Variants in SH3BP5 observed in about 807,000 individuals in gnomAD.
SH3BP5 encodes the protein SH3 domain binding protein 5.
Under a neutral mutation model 43.3 loss-of-function variants are expected in SH3BP5, and 22 were observed. The observed-to-expected ratio is 0.51, with a 90% CI of 0.36 to 0.73. The LOEUF (loss-of-function observed/expected upper bound fraction) is 0.73, where lower values mean the gene tolerates loss of function less well. Ranked by LOEUF, SH3BP5 falls within the 30% of genes least tolerant of loss-of-function variation. The pLI is 0.00. For synonymous variants in SH3BP5, 255 were observed against 225.8 expected (o/e 1.13, Z -1.16); for missense variants, 529 against 586.9 (o/e 0.90, Z 1.02).
chr3:15,292,983 A>G (rs1018434448), intron 3 of SH3BP5, among the ~76,000 whole-genome samples: 1 of 152,236 alleles, frequency 6.6e-6, no homozygotes, highest in Non-Finnish European at 1.5e-5. Flanking sequence ...TGTGTGTGTC[A>G]GGAGCCTTTG....
At chr3:15,326,183 C>T (rs2125141357) in intron 2 of SH3BP5, among the ~76,000 whole-genome samples, 1 of 152,218 alleles carries the variant, frequency 6.6e-6, no homozygotes, top group South Asian at 2.1e-4. Context: ...GCAAAGGGGA[C>T]CCAGCACTGT....
At chr3:15,326,608 C>T (rs1036295114) in intron 2 of SH3BP5, among the ~76,000 whole-genome samples, 1 of 152,290 alleles carries the variant, frequency 6.6e-6, no homozygotes, top group Non-Finnish European at 1.5e-5. Flanking sequence ...TTATATGTAA[C>T]CCCAAAATCA....
intron 3 of SH3BP5, among the ~76,000 whole-genome samples, chr3:15,282,164 C>T (rs934942123): frequency 9.2e-5 from 14 of 152,228 alleles, no homozygotes; most frequent in Non-Finnish European, 1.9e-4. Flanking sequence ...CTTGGGTCTA[C>T]AACCTTGAAC....
chr3:15,305,473 C>T (rs112687591), intron 2 of SH3BP5, among the ~76,000 whole-genome samples: 2 of 152,004 alleles, frequency 1.3e-5, no homozygotes, highest in African/African-American at 4.8e-5. Flanking sequence ...TATTACAGCC[C>T]GTTCCAGAAA....
At chr3:15,314,528 A>T (rs1698138882) in intron 2 of SH3BP5, among the ~76,000 whole-genome samples, 1 of 152,166 alleles carries the variant, frequency 6.6e-6, no homozygotes, top group Non-Finnish European at 1.5e-5. Context: ...AGGGAGCCAA[A>T]CCAGAAAGGC....
intron 2 of SH3BP5, among the ~76,000 whole-genome samples, chr3:15,306,517 C>G (rs1198903296): frequency 2.0e-5 from 3 of 151,554 alleles, no homozygotes; most frequent in East Asian, 3.9e-4. Context: ...AAAACAAAAA[C>G]AAAAGAAAAG....
upstream of SH3BP5, among the ~76,000 whole-genome samples, chr3:15,336,933 G>A (rs191120359): frequency 4.6e-5 from 7 of 151,918 alleles, no homozygotes; most frequent in South Asian, 2.1e-4. Flanking sequence ...GCTTCTCCCC[G>A]ACCACTGTAA....
At chr3:15,264,612 G>A (rs1418164835) in intron 4 of SH3BP5, 1 of 152,134 alleles carries the variant, frequency 6.6e-6, no homozygotes, top group East Asian at 1.9e-4. Context: ...AAGAAAAATA[G>A]GAGAGAACTG....
chr3:15,265,201 A>G (rs986317365), intron 4 of SH3BP5, among the ~76,000 whole-genome samples: 1 of 151,818 alleles, frequency 6.6e-6, no homozygotes, highest in African/African-American at 2.4e-5. Context: ...CTATCTCCCC[A>G]CTTCTCATAT....
At chr3:15,320,343 CAAGAA>C (rs1435037015) in intron 2 of SH3BP5, among the ~76,000 whole-genome samples, 1 of 152,062 alleles carries the variant, frequency 6.6e-6, no homozygotes, top group Non-Finnish European at 1.5e-5. Flanking sequence ...AAAAATCAGG[CAAGAA>C]TAGAACAAAA....
intron 2 of SH3BP5, among the ~76,000 whole-genome samples, chr3:15,327,883 G>A (rs1014784332): frequency 6.6e-6 from 1 of 152,156 alleles, no homozygotes; most frequent in Non-Finnish European, 1.5e-5. Flanking sequence ...ATATGCCAAA[G>A]ATCTTAAAGA....
intron 5 of SH3BP5, 97 bp downstream of exon 5, chr3:15,262,062 A>T (rs1312990650): frequency 9.7e-6 from 14 of 1,437,396 alleles, no homozygotes; most frequent in Middle Eastern, 2.0e-4. Context: ...TCAAAGGACT[A>T]CTCAGGGTGG....
chr3:15,282,686 A>G (rs1348748916), intron 3 of SH3BP5, among the ~76,000 whole-genome samples: 2 of 151,358 alleles, frequency 1.3e-5, no homozygotes, highest in African/African-American at 4.9e-5. Context: ...ATGATATTTA[A>G]AAACTAATTT....
chr3:15,316,219 C>CTTTTTTTT lies in SH3BP5; in HGVS notation c.202-11996_202-11989dup, dbSNP rs577644493. On this transcript the variant is annotated intron_variant, in intron 2 of 8. Transcript: ENST00000383791. ...TAGAATGTTATTTGGAAAAGACTCG[C>CTTTTTTTT]TTTTTTTTTTTTTTTTTTTTTTTGA... 4.5e-4 allele frequency among the ~76,000 whole-genome samples: 37 copies of CTTTTTTTT among 81,692 alleles called. 2 individuals carry two copies. Among genetic ancestry groups the CTTTTTTTT allele is most frequent in the African/African-American group, 7.3e-4 (14 of 19,160 alleles). The allele number at this position is 81,692 out of a possible 152,430, so 53.6% of individuals were successfully genotyped here.
chr3:15,326,391 A>G (rs1429744540), intron 2 of SH3BP5, among the ~76,000 whole-genome samples: 2 of 152,236 alleles, frequency 1.3e-5, no homozygotes. Flanking sequence ...ACAGCGTGAG[A>G]GCACGTTAGC....
At chr3:15,301,551 G>C (rs1697753403) in intron 3 of SH3BP5, among the ~76,000 whole-genome samples, 1 of 152,144 alleles carries the variant, frequency 6.6e-6, no homozygotes, top group Non-Finnish European at 1.5e-5. Flanking sequence ...AAGGCATGGG[G>C]GCTGGGGCTG....
chr3:15,295,681 A>C (rs1697548446), intron 3 of SH3BP5, among the ~76,000 whole-genome samples: 1 of 152,192 alleles, frequency 6.6e-6, no homozygotes, highest in Non-Finnish European at 1.5e-5. Flanking sequence ...AGGAAGAGGA[A>C]ATTTGCCAAT....
intron 2 of SH3BP5, among the ~76,000 whole-genome samples, chr3:15,316,288 G>C (rs1575343525): frequency 7.6e-6 from 1 of 130,932 alleles, no homozygotes; most frequent in Non-Finnish European, 1.5e-5. Context: ...ACAGTGGCAC[G>C]ATCTTGGCTC....
intron 3 of SH3BP5, among the ~76,000 whole-genome samples, chr3:15,286,900 G>A (rs964653109): frequency 1.3e-5 from 2 of 152,138 alleles, no homozygotes; most frequent in African/African-American, 2.4e-5. Context: ...TTTGCACCAC[G>A]CAACATGAAG....
Sources: gnomAD v4.1 joint callset for allele counts (sites outside exome capture counted in the v4.1 genomes callset) on GRCh38, gnomAD v4.1.1 for gene constraint, MANE v1.5 for transcripts, NCBI Gene and HGNC (gene_info 2026-07-23, HGNC 2026-07-21) for gene names.